Variants in MMP16 observed in about 807,000 individuals in gnomAD.
MMP16 encodes the protein matrix metalloproteinase-16.
A neutral mutation model predicts 67.8 loss-of-function variants in MMP16; 12 were observed. The observed-to-expected ratio is 0.18, with a 90% CI of 0.11 to 0.29. The LOEUF is 0.29. MMP16 is among the 10% of genes least tolerant of loss of function. MMP16 has a pLI of 1.00. For missense variants in MMP16, 475 were observed against 765.7 expected (o/e 0.62, Z 4.48); for synonymous variants, 249 against 255.9 (o/e 0.97, Z 0.26).
In MMP16 at chr8:88,197,131, G is replaced by C. The variant is rs1008161537; in HGVS notation, c.281+27C>G. 6.2e-6 allele frequency: 10 copies of C among 1,600,164 alleles called. No individual in the cohort carries two copies. The African/African-American group carries it at 1.4e-4, about 22-fold the overall frequency. Reference sequence around the variant, plus strand: ...CTTAGTTTGGCTCAAGGACCAAAAAGAAAGGAGGATGGGAGCCATTACTTA... The same window carrying C: ...CTTAGTTTGGCTCAAGGACCAAAAACAAAGGAGGATGGGAGCCATTACTTA... On this transcript the variant is annotated intron_variant, in intron 2 of 9. Coordinates refer to ENST00000286614, the MANE Select transcript of MMP16 (RefSeq NM_005941.5).
At chr8:88,238,188 G>A (rs982793190) in intron 1 of MMP16, among the ~76,000 whole-genome samples, 1 of 152,066 alleles carries the variant, frequency 6.6e-6, no homozygotes, top group Non-Finnish European at 1.5e-5. Flanking sequence ...CATGTATAAG[G>A]GGAAAATACA....
rs535750092 is a variant in MMP16, at chr8:88,138,525, T to A, written c.710-19664A>T. On this transcript the variant is annotated intron_variant, in intron 4 of 9. Coordinates refer to ENST00000286614, the MANE Select transcript of MMP16 (RefSeq NM_005941.5). ...ACAATAAATAGTATTGGAATTTACA[T>A]CTTGGTGCTTCCCTACTCTCACGGA... 2.6e-5 allele frequency among the ~76,000 whole-genome samples: 4 copies of A among 152,174 alleles called. No homozygotes were observed. In the South Asian group the frequency reaches 6.2e-4, roughly 24 times the overall value.
chr8:88,292,577 C>T (rs1810942871), intron 1 of MMP16, among the ~76,000 whole-genome samples: 1 of 152,048 alleles, frequency 6.6e-6, no homozygotes, highest in Non-Finnish European at 1.5e-5. Flanking sequence ...AAATACATAA[C>T]AGAAATCATA....
At chr8:88,056,050 G>T in intron 8 of MMP16, 78 bp downstream of exon 8, 1 of 1,142,006 alleles carries the variant, frequency 8.8e-7, no homozygotes, top group Non-Finnish European at 1.2e-6. Flanking sequence ...AACAGCTGAT[G>T]CCTCTGATAG....
intron 6 of MMP16, among the ~76,000 whole-genome samples, chr8:88,096,339 T>C (rs1449553735): frequency 6.6e-6 from 1 of 151,902 alleles, no homozygotes; most frequent in Admixed American, 6.6e-5. Context: ...TTCAGACCTG[T>C]GATGATATTT....
chr8:88,038,250 G>A lies in MMP16; in HGVS notation c.*3211C>T, dbSNP rs1345829635. 6.6e-6 allele frequency: 1 copy of A among 151,918 alleles called. No individual in the cohort carries two copies. Among genetic ancestry groups the A allele is most frequent in the Non-Finnish European group, 1.5e-5 (1 of 67,926 alleles). The allele number at this position is 151,918 out of a possible 1,614,324, so 9.4% of individuals were successfully genotyped here. On this transcript the variant is annotated 3_prime_UTR_variant, in exon 10 of 10. Transcript: ENST00000286614. This position sits in a 1 kb window ranked among gnomAD's most constrained non-coding sequence, Gnocchi z 4.1. ...TCTTCTTATCTCTTGTAATAGTACA[G>A]CCTGATAACTGAAATGTTCTGTTCA...
chr8:88,268,929 T>C (rs1468618131), intron 1 of MMP16, among the ~76,000 whole-genome samples: 1 of 152,160 alleles, frequency 6.6e-6, no homozygotes, highest in Non-Finnish European at 1.5e-5. Flanking sequence ...CATGGTTCTT[T>C]GATACATCCC....
chr8:88,316,837 T>C (rs1478111608), intron 1 of MMP16, among the ~76,000 whole-genome samples: 1 of 152,168 alleles, frequency 6.6e-6, no homozygotes, highest in African/African-American at 2.4e-5. Context: ...TGTAAAAGAT[T>C]CACCATTCTA....
intron 1 of MMP16, among the ~76,000 whole-genome samples, chr8:88,208,019 G>C (rs573705051): frequency 6.6e-6 from 1 of 152,326 alleles, no homozygotes; most frequent in Non-Finnish European, 1.5e-5. Flanking sequence ...AAAATAACAG[G>C]ATAAGTAGCT....
At chr8:88,119,535 G>A (rs1563537486) in intron 4 of MMP16, among the ~76,000 whole-genome samples, 1 of 151,950 alleles carries the variant, frequency 6.6e-6, no homozygotes, top group South Asian at 2.1e-4. Context: ...TATCTTAAGA[G>A]CTGCTGTTTA....
chr8:88,163,046 G>A (rs985186829), intron 4 of MMP16, among the ~76,000 whole-genome samples: 12 of 152,026 alleles, frequency 7.9e-5, no homozygotes, highest in African/African-American at 2.9e-4. Context: ...ATATAGCAGT[G>A]CAGCTGTAAA....
intron 6 of MMP16, among the ~76,000 whole-genome samples, chr8:88,080,010 T>C (rs1196203263): frequency 6.6e-6 from 1 of 152,230 alleles, no homozygotes; most frequent in Non-Finnish European, 1.5e-5. Context: ...TCTTGTACTA[T>C]CTCATGGTAC....
At chr8:88,109,976 T>C (rs1224159163) in intron 6 of MMP16, among the ~76,000 whole-genome samples, 1 of 151,270 alleles carries the variant, frequency 6.6e-6, no homozygotes, top group East Asian at 1.9e-4. Flanking sequence ...AAAATGTACA[T>C]AATAAAATAT....
chr8:88,149,585 C>T lies in MMP16; in HGVS notation c.709+18084G>A, dbSNP rs558865371. Among the ~76,000 whole-genome samples the T allele has an allele frequency of 7.0e-3, 1,066 of 152,056 alleles. 8 individuals carry two copies. The highest frequency in any genetic ancestry group is 0.024 in the African/African-American group (1,010 of 41,502). On this transcript the variant is annotated intron_variant, in intron 4 of 9. Coordinates refer to ENST00000286614, the MANE Select transcript of MMP16 (RefSeq NM_005941.5). The stretch of plus-strand genomic sequence containing the variant: ...CCCGAGCAGCCTAACTGGGAGGCAC[C>T]CCCCAGCAGGGGCACACTGACACCT...
intron 6 of MMP16, among the ~76,000 whole-genome samples, chr8:88,104,261 A>T (rs1809197085): frequency 6.6e-6 from 1 of 151,802 alleles, no homozygotes; most frequent in Non-Finnish European, 1.5e-5. Flanking sequence ...TTTTAATAAT[A>T]AAATTCATGA....
At chr8:88,308,993 A>T (rs2130060815) in intron 1 of MMP16, among the ~76,000 whole-genome samples, 1 of 152,136 alleles carries the variant, frequency 6.6e-6, no homozygotes, top group East Asian at 1.9e-4. Context: ...AAAAAATAAT[A>T]TTTTACCCAG....
At chr8:88,160,220 T>C (rs983096727) in intron 4 of MMP16, among the ~76,000 whole-genome samples, 5 of 151,858 alleles carry the variant, frequency 3.3e-5, no homozygotes, top group African/African-American at 9.7e-5. Flanking sequence ...GAACATGCGG[T>C]GTTTGGTTTT....
intron 2 of MMP16, among the ~76,000 whole-genome samples, chr8:88,189,546 A>G (rs547649535): frequency 6.6e-6 from 1 of 152,286 alleles, no homozygotes; most frequent in South Asian, 2.1e-4. Flanking sequence ...ACTACTAACA[A>G]TACTAACAAT....
chr8:88,089,750 A>T (rs1039754895), intron 6 of MMP16, among the ~76,000 whole-genome samples: 1 of 151,976 alleles, frequency 6.6e-6, no homozygotes, highest in African/African-American at 2.4e-5. Flanking sequence ...TGCAACAAGT[A>T]GAGAAAATAA....
Sources: allele counts gnomAD v4.1 joint callset (sites outside exome capture counted in the v4.1 genomes callset), GRCh38; gene constraint gnomAD v4.1.1; non-coding constraint Gnocchi (gnomAD v3.1); transcripts MANE v1.5; gene names NCBI Gene and HGNC (gene_info 2026-07-23, HGNC 2026-07-21).